VNN1: variants seen among roughly 807,000 people sequenced by gnomAD.
The protein encoded by VNN1 is vanin 1.
VNN1 carries 29 observed loss-of-function variants against 41.9 expected under a neutral mutation model. The ratio of observed to expected loss-of-function variants is 0.69; its 90% CI spans 0.52 to 0.94. The LOEUF is 0.94. Ranked by LOEUF, VNN1 falls within the 40% of genes least tolerant of loss-of-function variation. The pLI is 0.00. For missense variants in VNN1, 637 were observed against 621.1 expected, an observed-to-expected ratio of 1.03 and a Z score of -0.27; for synonymous variants, 233 against 224.4, an observed-to-expected ratio of 1.04 and a Z score of -0.34.
intron 5 of VNN1, among the ~76,000 whole-genome samples, chr6:132,690,353 G>A (rs961104194): frequency 3.3e-5 from 5 of 152,106 alleles, no homozygotes; most frequent in Admixed American, 2.0e-4. Context: ...TGCCTCAGTT[G>A]CCTTAGTAGC....
chr6:132,692,672 A>G (rs1235891531), intron 4 of VNN1, 88 bp from the exon 5 acceptor site: 1 of 1,441,462 alleles, frequency 6.9e-7, no homozygotes, highest in Admixed American at 2.6e-5. Flanking sequence ...CCTCATATTC[A>G]CATTTTACTC....
chr6:132,710,955 C>T (rs956737082), intron 2 of VNN1, among the ~76,000 whole-genome samples: 3 of 152,190 alleles, frequency 2.0e-5, no homozygotes, highest in African/African-American at 7.2e-5. Flanking sequence ...ACACTGTCTT[C>T]CACAATGGTT....
intron 2 of VNN1, among the ~76,000 whole-genome samples, chr6:132,701,550 G>A (rs1385307996): frequency 6.6e-6 from 1 of 152,182 alleles, no homozygotes; most frequent in Non-Finnish European, 1.5e-5. Flanking sequence ...CCTAGCCAGA[G>A]CAATCAGGCA....
In VNN1 at chr6:132,681,296, G is replaced by A. The variant is rs985875941; in HGVS notation, c.*1844C>T. Among the ~76,000 whole-genome samples, 2 of 152,106 alleles carry A rather than the reference G, an allele frequency of 1.3e-5. No homozygotes were observed. Among genetic ancestry groups the A allele is most frequent in the African/African-American group, 2.4e-5 (1 of 41,388 alleles). ...ATGACATTTTATGAAAGTTTTTCTA[G>A]CATCCTAAAGAATGGAGGCCTGGCA... On this transcript the variant is annotated 3_prime_UTR_variant, in exon 7 of 7. Coordinates refer to ENST00000367928, the MANE Select transcript of VNN1 (RefSeq NM_004666.3).
Position 132,684,326 on chromosome 6 carries a change from G to C in VNN1, c.1359+9C>G. On this transcript the variant is annotated intron_variant, in intron 6 of 6. Transcript: ENST00000367928. ...ATGAAACTAATTGGCAATATTCGAA[G>C]ATTCTTACCTGAAATTCTCCAGGTG... The C allele has an allele frequency of 6.2e-7, 1 of 1,603,130 alleles. No individual in the cohort carries two copies.
chr6:132,700,692 T>C (rs112813217), intron 2 of VNN1, among the ~76,000 whole-genome samples: 184 of 152,332 alleles, frequency 1.2e-3, no homozygotes, highest in African/African-American at 4.2e-3. Flanking sequence ...CACATCTCCA[T>C]TTAAATTTCT....
intron 2 of VNN1, among the ~76,000 whole-genome samples, chr6:132,707,582 A>G (rs1778537532): frequency 6.6e-6 from 1 of 152,222 alleles, no homozygotes; most frequent in Non-Finnish European, 1.5e-5. Flanking sequence ...TCAGCTACAA[A>G]AAGAATGAGA....
rs58693597 is a variant in VNN1 at position 132,709,076 on chromosome 6, C to T, written c.341+2633G>A. On this transcript the variant is annotated intron_variant, in intron 2 of 6. Coordinates refer to ENST00000367928, the MANE Select transcript of VNN1 (RefSeq NM_004666.3). ...CTCAGACGACCTTTTAAAATTTCAGCCCCACGCTTGCCACCCTATTCACCT... is the reference window on the plus strand; with the variant it reads ...CTCAGACGACCTTTTAAAATTTCAGTCCCACGCTTGCCACCCTATTCACCT... Among the ~76,000 whole-genome samples, 931 of 152,188 alleles carry T rather than the reference C, an allele frequency of 6.1e-3. 13 individuals carry two copies. Among genetic ancestry groups the T allele is most frequent in the African/African-American group, 0.021 (879 of 41,506 alleles).
chr6:132,711,933 C>T, intron 1 of VNN1, 94 bp from the exon 2 acceptor site: 1 of 1,200,378 alleles, frequency 8.3e-7, no homozygotes, highest in South Asian at 2.3e-5. Flanking sequence ...TCCCCCACAC[C>T]CCTTAAATCT....
chr6:132,710,256 G>C (rs959913550), intron 2 of VNN1, among the ~76,000 whole-genome samples: 3 of 152,028 alleles, frequency 2.0e-5, no homozygotes, highest in African/African-American at 7.3e-5. Context: ...TGCCAAATTG[G>C]CCAGGCTGGT....
At chr6:132,702,188 T>C (rs561856430) in intron 2 of VNN1, among the ~76,000 whole-genome samples, 45 of 152,230 alleles carry the variant, frequency 3.0e-4, no homozygotes, top group African/African-American at 1.0e-3. Context: ...AGGAGATGAG[T>C]GACATTACTG....
chr6:132,708,236 T>G (rs933348315), intron 2 of VNN1, among the ~76,000 whole-genome samples: 63 of 152,238 alleles, frequency 4.1e-4, no homozygotes, highest in Admixed American at 1.3e-4. Context: ...TCTTAGCTGC[T>G]CAGAAACTCT....
chr6:132,704,972 T>C (rs112373182), intron 2 of VNN1, among the ~76,000 whole-genome samples: 3 of 152,012 alleles, frequency 2.0e-5, no homozygotes, highest in Non-Finnish European at 2.9e-5. Context: ...CCTACCAAGA[T>C]TGAACCACAA....
intron 2 of VNN1, among the ~76,000 whole-genome samples, chr6:132,703,713 A>G (rs182646740): frequency 2.6e-5 from 4 of 152,290 alleles, no homozygotes; most frequent in African/African-American, 9.6e-5. Context: ...ACAATAAAAC[A>G]TTGAATGTAA....
chr6:132,707,412 C>A (rs1455650756), intron 2 of VNN1, among the ~76,000 whole-genome samples: 3 of 152,064 alleles, frequency 2.0e-5, no homozygotes, highest in African/African-American at 7.2e-5. Flanking sequence ...AAAATAGAGC[C>A]ACCATACGAT....
chr6:132,701,186 G>T (rs1432158242), intron 2 of VNN1, among the ~76,000 whole-genome samples: 6 of 151,902 alleles, frequency 3.9e-5, no homozygotes, highest in Non-Finnish European at 7.4e-5. Context: ...GTATTTAGGT[G>T]GTATTAAAAA....
intron 5 of VNN1, among the ~76,000 whole-genome samples, chr6:132,690,825 C>T (rs544148307): frequency 6.6e-6 from 1 of 152,186 alleles, no homozygotes; most frequent in Non-Finnish European, 1.5e-5. Flanking sequence ...TAAGTGAATA[C>T]TATGACATAA....
chr6:132,687,129 A>G (rs913788281), intron 5 of VNN1, among the ~76,000 whole-genome samples: 1 of 152,216 alleles, frequency 6.6e-6, no homozygotes, highest in African/African-American at 2.4e-5. Flanking sequence ...TTCTGCATGC[A>G]TTCTGGGGAA....
intron 2 of VNN1, among the ~76,000 whole-genome samples, chr6:132,709,398 G>C (rs6941705): frequency 6.6e-6 from 1 of 152,030 alleles, no homozygotes; most frequent in East Asian, 1.9e-4. Flanking sequence ...GCAGCTGGGC[G>C]TGATGACTCA....
Sources: allele counts gnomAD v4.1 joint callset (sites outside exome capture counted in the v4.1 genomes callset), GRCh38; gene constraint gnomAD v4.1.1; transcripts MANE v1.5; gene names NCBI Gene and HGNC (gene_info 2026-07-23, HGNC 2026-07-21).